NF1: variants seen among roughly 807,000 people sequenced by gnomAD.
The protein encoded by NF1 is neurofibromin 1, also known as neurofibromin.
NF1 carries 122 observed loss-of-function variants against 325.7 expected under a neutral mutation model. The observed-to-expected ratio is 0.37, with a 90% CI of 0.32 to 0.44. The LOEUF (loss-of-function observed/expected upper bound fraction) is 0.44, where lower values mean the gene tolerates loss of function less well. NF1 is among the 20% of genes least tolerant of loss of function. The pLI is 1.00. For missense variants in NF1, 2,140 were observed against 3,415.4 expected (o/e 0.63, Z 9.31); for synonymous variants, 1,091 against 1,186.0 (o/e 0.92, Z 1.65).
At chr17:31,101,303 G>C (rs1912317106) in intron 1 of NF1, among the ~76,000 whole-genome samples, 1 of 152,094 alleles carries the variant, frequency 6.6e-6, no homozygotes, top group African/African-American at 2.4e-5. Context: ...CTGAATTGGA[G>C]TTCCTTAGCG....
chr17:31,227,659 A>G, intron 20 of NF1, 53 bp downstream of exon 20: 1 of 1,445,762 alleles, frequency 6.9e-7, no homozygotes, highest in South Asian at 1.1e-5. Flanking sequence ...AAATATATGT[A>G]CTTCACTTTG....
intron 57 of NF1, among the ~76,000 whole-genome samples, chr17:31,372,362 TA>T (rs1270255770): frequency 2.0e-5 from 3 of 152,224 alleles, no homozygotes; most frequent in Non-Finnish European, 2.9e-5. Context: ...TACAAATTAC[TA>T]AAACGTTCTG....
At chr17:31,294,961 T>A in intron 36 of NF1, 1 of 1,613,434 alleles carries the variant, frequency 6.2e-7, no homozygotes, top group Non-Finnish European at 8.5e-7. Flanking sequence ...TTTTCCCAAC[T>A]GTACATCAGG....
At chr17:31,167,370 T>C (rs1440336886) in intron 4 of NF1, among the ~76,000 whole-genome samples, 1 of 152,216 alleles carries the variant, frequency 6.6e-6, no homozygotes, top group Non-Finnish European at 1.5e-5. Flanking sequence ...AGCTGTAGTC[T>C]AATTAAAGCT....
At position 31,258,473 on chromosome 17, in the gene NF1, A is replaced by C. The variant is rs771354725; in HGVS notation, c.4303A>C (p.Ile1435Leu). The C allele has an allele frequency of 6.2e-7, 1 of 1,613,964 alleles. No homozygotes were observed. The highest frequency in any genetic ancestry group is 1.1e-5 in the South Asian group (1 of 91,078). Residue 1435 changes from isoleucine (I) to leucine (L), a missense_variant, in exon 32 of 58, where the codon ATC becomes CTC. Physicochemically the swap from Ile to Leu is conservative, Grantham distance 5. Coordinates refer to ENST00000358273, the MANE Select transcript of NF1 (RefSeq NM_001042492.3). ...TTTAGATAAAAAGCCACCACCTAGA[A>C]TCGAAAGGGGCTTGAAGTTAATGTC... ...GILDKKPPPR[I>L]ERGLKLMSKI...
At chr17:31,261,209 C>T (rs1457041509) in intron 34 of NF1, among the ~76,000 whole-genome samples, 1 of 151,098 alleles carries the variant, frequency 6.6e-6, no homozygotes, top group Non-Finnish European at 1.5e-5. Context: ...CACAATTGTA[C>T]TCCAGCCTGG....
chr17:31,161,412 A>G (rs2065758761), intron 3 of NF1, among the ~76,000 whole-genome samples: 1 of 152,220 alleles, frequency 6.6e-6, no homozygotes. Context: ...TGAGCGTAGC[A>G]TACAATTGTA....
intron 54 of NF1, 63 bp downstream of exon 54, chr17:31,357,432 A>G (rs1198023110): frequency 1.5e-6 from 2 of 1,298,062 alleles, no homozygotes; most frequent in Non-Finnish European, 2.2e-6. Context: ...ATGCTTACCC[A>G]GTAATGTGCA....
At chr17:31,311,268 T>C (rs2068868691) in intron 36 of NF1, among the ~76,000 whole-genome samples, 1 of 152,094 alleles carries the variant, frequency 6.6e-6, no homozygotes, top group East Asian at 1.9e-4. Flanking sequence ...CATGTTCTTA[T>C]AAATATAATG....
chr17:31,350,511 G>C (rs2070114106), intron 50 of NF1, among the ~76,000 whole-genome samples, 193 bp downstream of exon 50: 1 of 152,140 alleles, frequency 6.6e-6, no homozygotes, highest in Non-Finnish European at 1.5e-5. Context: ...TATTCTTCCA[G>C]TCTGATTGTG....
chr17:31,230,256 A>G lies in NF1; in HGVS notation c.2991-4A>G, dbSNP rs754414489. On this transcript the variant is annotated splice_region_variant and splice_polypyrimidine_tract_variant and intron_variant, in intron 22 of 57. Coordinates refer to ENST00000358273, the MANE Select transcript of NF1 (RefSeq NM_001042492.3). ...ATTTTTTTATTGTTTCTATGTCTAT[A>G]TAGGTATGTTCGTGTGCTTGGGAAT... The G allele has an allele frequency of 5.0e-5, 80 of 1,612,808 alleles. No individual in the cohort carries two copies. The highest frequency in any genetic ancestry group is 4.0e-4 in the South Asian group (36 of 91,056).
chr17:31,264,905 A>G (rs1278397882), intron 35 of NF1, among the ~76,000 whole-genome samples: 2 of 152,238 alleles, frequency 1.3e-5, no homozygotes, highest in Non-Finnish European at 2.9e-5. Flanking sequence ...TTCAAAATCC[A>G]TAAACTAGAA....
At chr17:31,224,654 T>C (rs2144022944) in intron 16 of NF1, among the ~76,000 whole-genome samples, 1 of 152,312 alleles carries the variant, frequency 6.6e-6, no homozygotes, top group South Asian at 2.1e-4. Context: ...TCTTGTGACA[T>C]ACTTGGTGTA....
chr17:31,291,961 T>C (rs1171068921), intron 36 of NF1, among the ~76,000 whole-genome samples: 2 of 152,188 alleles, frequency 1.3e-5, no homozygotes, highest in African/African-American at 4.8e-5. Context: ...GATGTGATAA[T>C]AATCCTCACA....
chr17:31,309,988 T>C (rs1348422721), intron 36 of NF1, among the ~76,000 whole-genome samples: 2 of 152,120 alleles, frequency 1.3e-5, no homozygotes, highest in African/African-American at 4.8e-5. Context: ...GGCAATTCAG[T>C]GTAGTCCAGA....
rs1266231117 is a variant in NF1, at chr17:31,325,880, G to A, written c.4896G>A (p.Lys1632=). Residue 1632 remains lysine (K), a synonymous_variant, in exon 37 of 58, where the codon AAG becomes AAA. Transcript: ENST00000358273. ...TATACCATGTCTTACTGACTTTAAA[G>A]CCATATTATGCAAAGCCATATGAAA... The part of the protein sequence containing the change: ...LLIYHVLLTL[K]PYYAKPYEIV... 1 of 1,614,016 alleles carries A rather than the reference G, an allele frequency of 6.2e-7. No homozygotes were observed. Among genetic ancestry groups the A allele is most frequent in the Non-Finnish European group, 8.5e-7 (1 of 1,180,032 alleles).
intron 1 of NF1, among the ~76,000 whole-genome samples, chr17:31,120,103 G>A (rs1289758826): frequency 6.6e-6 from 1 of 152,042 alleles, no homozygotes; most frequent in Admixed American, 6.6e-5. Context: ...GCTCTTTTTT[G>A]GTTCCCTATG....
chr17:31,129,615 G>T (rs1252551576), intron 1 of NF1, among the ~76,000 whole-genome samples: 2 of 151,974 alleles, frequency 1.3e-5, no homozygotes, highest in African/African-American at 2.4e-5. Context: ...ATTTTTCGTA[G>T]AGACGGGGTT....
chr17:31,369,631 G>C (rs930692175), intron 57 of NF1, among the ~76,000 whole-genome samples: 1 of 152,186 alleles, frequency 6.6e-6, no homozygotes, highest in African/African-American at 2.4e-5. Flanking sequence ...CAATGCTTTA[G>C]GGGCAAAAGA....
Sources: gnomAD v4.1 joint callset for allele counts (sites outside exome capture counted in the v4.1 genomes callset) on GRCh38, gnomAD v4.1.1 for gene constraint, MANE v1.5 for transcripts, NCBI Gene and HGNC (gene_info 2026-07-23, HGNC 2026-07-21) for gene names.